PCDH11X: variants seen among roughly 807,000 people sequenced by gnomAD.
PCDH11X encodes the protein protocadherin 11 X-linked.
PCDH11X carries 18 observed loss-of-function variants against 53.3 expected under a neutral mutation model. The observed-to-expected ratio is 0.34, with a 90% CI of 0.23 to 0.50. The LOEUF is 0.50. Among genes scored for constraint, PCDH11X ranks in the 20% least tolerant of loss-of-function variants. The pLI is 0.98. For missense variants in PCDH11X, 570 were observed against 1,032.4 expected, an observed-to-expected ratio of 0.55 and a Z score of 6.14; for synonymous variants, 279 against 393.3, an observed-to-expected ratio of 0.71 and a Z score of 3.44.
rs777147313 is a variant in PCDH11X at position 92,223,451 on chromosome X, A to G, written c.3114+21996A>G. Among the ~76,000 whole-genome samples the G allele has an allele frequency of 5.4e-5, 6 of 111,911 alleles. No homozygotes were observed. In the South Asian group the frequency reaches 2.2e-3, roughly 42 times the overall value. On this transcript the variant is annotated intron_variant, in intron 7 of 10. Coordinates refer to ENST00000682573, the MANE Select transcript of PCDH11X (RefSeq NM_032968.5). The stretch of plus-strand genomic sequence containing the variant: ...TCCCCCAGTACAATGTGAGTTCTTA[A>G]GAGCAGAGATTATTTTTAACTCATG...
intron 5 of PCDH11X, among the ~76,000 whole-genome samples, chrX:91,844,689 C>A (rs1399841176): frequency 9.7e-6 from 1 of 103,398 alleles, no homozygotes; most frequent in Admixed American, 1.1e-4. Flanking sequence ...TTAAAATATC[C>A]TTTTTCAAGC....
intron 6 of PCDH11X, among the ~76,000 whole-genome samples, chrX:91,918,331 T>C (rs1318618417): frequency 9.2e-6 from 1 of 108,914 alleles, no homozygotes; most frequent in Non-Finnish European, 1.9e-5. Context: ...TGTTTTCATC[T>C]TGAGGAGATC....
At chrX:91,848,529 A>G (rs1244418013) in intron 5 of PCDH11X, among the ~76,000 whole-genome samples, 3 of 111,784 alleles carry the variant, frequency 2.7e-5, no homozygotes, top group Non-Finnish European at 5.6e-5. Context: ...TATTTTTGTT[A>G]TACTTTCCTG....
At chrX:92,502,628 A>G (rs1296363804) in intron 10 of PCDH11X, among the ~76,000 whole-genome samples, 2 of 110,527 alleles carry the variant, frequency 1.8e-5, no homozygotes, top group Non-Finnish European at 3.8e-5. Flanking sequence ...AGGATTCCCT[A>G]TTTAATTAAT....
intron 6 of PCDH11X, among the ~76,000 whole-genome samples, chrX:91,938,166 C>T (rs1053746672): frequency 9.0e-6 from 1 of 111,503 alleles, no homozygotes; most frequent in Non-Finnish European, 1.9e-5. Context: ...ACTTCTAAGT[C>T]AGAACATAAG....
chrX:92,618,891 C>A lies in PCDH11X; in HGVS notation c.3995C>A (p.Ala1332Asp), dbSNP rs754956470. 1 of 1,211,832 alleles carries A rather than the reference C, an allele frequency of 8.3e-7. No individual in the cohort carries two copies. The change falls in exon 11 of 11, where the codon GCC becomes GAC. Residue 1332 changes from alanine (A) to aspartate (D), a missense_variant. By Grantham distance (126) the Ala-to-Asp change is moderately radical. This residue lies in a region of PCDH11X where 234 missense variants were observed against 296.1 expected (regional missense o/e 0.79). Transcript: ENST00000682573. ...PLTTFTPRQQ[A>D]RPSRGDSPIM... ...ACAACCTTCACTCCACGCCAACAGGCCAGACCGTCCAGAGGTGATTCCCCC... is the reference window on the plus strand; with the variant it reads ...ACAACCTTCACTCCACGCCAACAGGACAGACCGTCCAGAGGTGATTCCCCC...
chrX:91,867,829 C>G (rs1207148625), intron 5 of PCDH11X, among the ~76,000 whole-genome samples: 1 of 111,608 alleles, frequency 9.0e-6, no homozygotes, highest in East Asian at 2.8e-4. Flanking sequence ...TAGTTAAAAT[C>G]CAGATTTATA....
At chrX:92,608,153 T>C (rs763097561) in intron 10 of PCDH11X, among the ~76,000 whole-genome samples, 2 of 105,997 alleles carry the variant, frequency 1.9e-5, no homozygotes, top group South Asian at 8.0e-4. Context: ...AAACTTGAAT[T>C]GCCATTATCA....
Position 92,274,634 on chromosome X carries a change from G to A in PCDH11X, c.3144+11491G>A, listed in dbSNP as rs182406242. Among the ~76,000 whole-genome samples the A allele has an allele frequency of 6.3e-5, 7 of 110,702 alleles. No individual in the cohort carries two copies. In the Admixed American group the frequency reaches 6.8e-4, roughly 11 times the overall value. On this transcript the variant is annotated intron_variant, in intron 8 of 10. Coordinates refer to ENST00000682573, the MANE Select transcript of PCDH11X (RefSeq NM_032968.5). ...CCTCGAGCTTGATGTGTAGGGAAGGGAGGGGGCCTGAATAATCCCTGAGGA... is the reference window on the plus strand; with the variant it reads ...CCTCGAGCTTGATGTGTAGGGAAGGAAGGGGGCCTGAATAATCCCTGAGGA...
Position 92,591,849 on chromosome X carries a change from G to C in PCDH11X, c.3368-26415G>C, listed in dbSNP as rs1245391472. Among the ~76,000 whole-genome samples the C allele has an allele frequency of 5.4e-5, 6 of 110,934 alleles. No homozygotes were observed. In the East Asian group the frequency reaches 1.4e-3, roughly 26 times the overall value. On this transcript the variant is annotated intron_variant, in intron 10 of 10. Coordinates refer to ENST00000682573, the MANE Select transcript of PCDH11X (RefSeq NM_032968.5). ...CTTTTGCTATCTTAAGCCCATTTCT[G>C]AGAGTAAATTCTTGGGAATCATGGG...
chrX:91,967,513 G>A (rs926443067), intron 6 of PCDH11X, among the ~76,000 whole-genome samples: 8 of 109,541 alleles, frequency 7.3e-5, no homozygotes, highest in Non-Finnish European at 1.1e-4. Flanking sequence ...GTTTCATCCT[G>A]AAACCATTAT....
intron 6 of PCDH11X, among the ~76,000 whole-genome samples, chrX:92,022,298 T>G (rs1281125792): frequency 9.2e-6 from 1 of 108,722 alleles, no homozygotes; most frequent in Non-Finnish European, 1.9e-5. Context: ...AAGACACACA[T>G]AGGCTCAAAA....
At chrX:92,051,136 G>T (rs771590447) in intron 6 of PCDH11X, among the ~76,000 whole-genome samples, 1 of 111,580 alleles carries the variant, frequency 9.0e-6, no homozygotes, top group African/African-American at 3.2e-5. Context: ...AATATAGTTC[G>T]AAAGCACTAT....
At chrX:92,532,210 T>G (rs1053850357) in intron 10 of PCDH11X, among the ~76,000 whole-genome samples, 2 of 111,537 alleles carry the variant, frequency 1.8e-5, no homozygotes, top group African/African-American at 6.5e-5. Context: ...TAGGAAACTC[T>G]TTTAAGACAG....
chrX:92,548,305 G>C (rs2074893652), intron 10 of PCDH11X, among the ~76,000 whole-genome samples: 1 of 110,017 alleles, frequency 9.1e-6, no homozygotes, highest in Non-Finnish European at 1.9e-5. Flanking sequence ...TGAGTAGCTG[G>C]GACTACCGGC....
intron 8 of PCDH11X, among the ~76,000 whole-genome samples, chrX:92,279,626 TA>T (rs1350972339): frequency 8.9e-6 from 1 of 112,600 alleles, no homozygotes; most frequent in Non-Finnish European, 1.9e-5. Context: ...GCAGAAACCA[TA>T]ATGTTAAACT....
At chrX:92,546,350 G>A (rs1193388458) in intron 10 of PCDH11X, among the ~76,000 whole-genome samples, 1 of 111,438 alleles carries the variant, frequency 9.0e-6, no homozygotes, top group Non-Finnish European at 1.9e-5. Flanking sequence ...TATACTATCA[G>A]AGAAGACTGC....
At chrX:92,338,568 C>T (rs1457454949) in intron 8 of PCDH11X, among the ~76,000 whole-genome samples, 1 of 110,598 alleles carries the variant, frequency 9.0e-6, no homozygotes, top group South Asian at 3.9e-4. Context: ...ACCCCACTAC[C>T]TATCACTATC....
At chrX:91,966,690 A>G (rs1235442343) in intron 6 of PCDH11X, among the ~76,000 whole-genome samples, 1 of 112,163 alleles carries the variant, frequency 8.9e-6, no homozygotes, top group Admixed American at 9.5e-5. Context: ...CTTTCAAAAA[A>G]CAAAAAAAGA....
Sources: allele counts gnomAD v4.1 joint callset (sites outside exome capture counted in the v4.1 genomes callset), GRCh38; gene constraint gnomAD v4.1.1; regional missense constraint gnomAD v4.1.1; transcripts MANE v1.5; gene names NCBI Gene and HGNC (gene_info 2026-07-23, HGNC 2026-07-21).